LRP1B: variants seen among roughly 807,000 people sequenced by gnomAD.
The protein encoded by LRP1B is low-density lipoprotein receptor-related protein 1B.
LRP1B carries 217 observed loss-of-function variants against 556.6 expected under a neutral mutation model. That is an observed-to-expected ratio of 0.39 (90% CI 0.35 to 0.44). The LOEUF is 0.44. Ranked by LOEUF, LRP1B falls within the 20% of genes least tolerant of loss-of-function variation. The probability of loss-of-function intolerance (pLI) is 1.00; values close to 1 mark genes in which losing one functional copy is unlikely to be tolerated. For missense variants in LRP1B, 5,053 were observed against 5,620.8 expected, an observed-to-expected ratio of 0.90 and a Z score of 3.23; for synonymous variants, 2,047 against 1,865.8, an observed-to-expected ratio of 1.10 and a Z score of -2.50.
chr2:140,779,753 A>AGTGTGTGTGTGTGTGT (rs373081625), intron 32 of LRP1B, among the ~76,000 whole-genome samples: 13 of 134,006 alleles, frequency 9.7e-5, no homozygotes, highest in African/African-American at 3.6e-4. Flanking sequence ...TCTCTGTGAG[A>AGTGTGTGTGTGTGTGT]GAGTGTGTGT....
intron 3 of LRP1B, among the ~76,000 whole-genome samples, chr2:141,442,222 G>T (rs1444013141): frequency 6.6e-6 from 1 of 151,924 alleles, no homozygotes; most frequent in Non-Finnish European, 1.5e-5. Context: ...AAGTATATGT[G>T]GAAAAGTCTG....
intron 1 of LRP1B, among the ~76,000 whole-genome samples, chr2:141,881,146 A>G (rs1340826336): frequency 7.2e-5 from 11 of 152,082 alleles, no homozygotes; most frequent in Admixed American, 7.2e-4. Flanking sequence ...TAAATATGGT[A>G]TGGCTCCAAA....
intron 11 of LRP1B, among the ~76,000 whole-genome samples, chr2:141,047,337 G>T (rs555454753): frequency 2.0e-5 from 3 of 151,910 alleles, no homozygotes; most frequent in Non-Finnish European, 2.9e-5. Context: ...ACAAAAACAG[G>T]TACGTTTTTA....
intron 23 of LRP1B, among the ~76,000 whole-genome samples, chr2:140,888,716 C>T (rs147638816): frequency 2.0e-5 from 3 of 151,982 alleles, no homozygotes; most frequent in African/African-American, 7.2e-5. Flanking sequence ...GTAATCCCAG[C>T]ACTTTGGGAA....
intron 1 of LRP1B, among the ~76,000 whole-genome samples, chr2:142,088,514 A>C (rs1252034051): frequency 3.3e-5 from 5 of 152,308 alleles, no homozygotes; most frequent in African/African-American, 9.6e-5. Flanking sequence ...GATTTAGACA[A>C]TACCTTAGCC....
rs72994945 is a variant in LRP1B, at chr2:141,863,239, T to C, written c.83-52838A>G. ...TGTTCATTTATTTAATACTCATTTA[T>C]TGAGCTTCTACAATCTGCCCAGCAG... On this transcript the variant is annotated intron_variant, in intron 1 of 90. Coordinates refer to ENST00000389484, the MANE Select transcript of LRP1B (RefSeq NM_018557.3). Among the ~76,000 whole-genome samples the C allele has an allele frequency of 6.7e-3, 1,027 of 152,328 alleles. 17 individuals are homozygous for C. Among genetic ancestry groups the C allele is most frequent in the African/African-American group, 0.023 (945 of 41,576 alleles).
rs1337300551 is a variant in LRP1B at position 140,477,534 on chromosome 2, T to C, written c.9426-2197A>G. Among the ~76,000 whole-genome samples the C allele has an allele frequency of 5.9e-5, 9 of 152,274 alleles. No individual in the cohort carries two copies. The South Asian group carries it at 1.7e-3, about 28-fold the overall frequency. On this transcript the variant is annotated intron_variant, in intron 59 of 90. Coordinates refer to ENST00000389484, the MANE Select transcript of LRP1B (RefSeq NM_018557.3). ...CTCAGAAGTGAAAAAGGGTTTCCAT[T>C]AAATTTGATCAGTACATGTGATCAA...
chr2:141,003,670 A>G (rs547759306), intron 15 of LRP1B, among the ~76,000 whole-genome samples: 2 of 152,082 alleles, frequency 1.3e-5, no homozygotes, highest in South Asian at 4.1e-4. Context: ...GGCCTCCTGA[A>G]CTATGTAAGC....
At position 142,130,935 on chromosome 2, in the gene LRP1B, C is replaced by T. The variant is rs374409926; in HGVS notation, c.-206G>A. 1.1e-4 allele frequency: 66 copies of T among 609,132 alleles called. 3 individuals carry two copies. Among genetic ancestry groups the T allele is most frequent in the Admixed American group, 3.5e-4 (13 of 37,542 alleles). 37.7% of individuals were successfully genotyped at this position (609,132 alleles called of 1,614,324 possible). ...GATGTGGAAGGTGGAGGGATGCGCG[C>T]GTGCGGGAGAGAGGAGGCAGAGCGT... On this transcript the variant is annotated 5_prime_UTR_variant, in exon 1 of 91. Transcript: ENST00000389484.
At chr2:140,817,594 G>C (rs1419464110) in intron 31 of LRP1B, among the ~76,000 whole-genome samples, 1 of 151,766 alleles carries the variant, frequency 6.6e-6, no homozygotes, top group Non-Finnish European at 1.5e-5. Context: ...ATTAATGTAA[G>C]AAACTAAATA....
In LRP1B at chr2:141,068,092, TGCCATGACTAACCGCCC is replaced by T. The variant is rs1699527790; in HGVS notation, c.1014-5836_1014-5820del. 2.0e-5 allele frequency among the ~76,000 whole-genome samples: 3 copies of T among 152,098 alleles called. No homozygotes were observed. The East Asian group carries it at 5.9e-4, about 30-fold the overall frequency. On this transcript the variant is annotated intron_variant, in intron 7 of 90. Coordinates refer to ENST00000389484, the MANE Select transcript of LRP1B (RefSeq NM_018557.3). Reference sequence around the variant, plus strand: ...AGGTTTCTATACTTGGAAGCCCAAATGCCATGACTAACCGCCCATATTATTTAACGTTCTATTTTAAG... The same window carrying T: ...AGGTTTCTATACTTGGAAGCCCAAATATATTATTTAACGTTCTATTTTAAG...
At chr2:141,359,858 A>T (rs1214996595) in intron 3 of LRP1B, among the ~76,000 whole-genome samples, 2 of 151,134 alleles carry the variant, frequency 1.3e-5, no homozygotes, top group African/African-American at 4.9e-5. Flanking sequence ...CTTTCAAATT[A>T]GCCAGAGACA....
At chr2:140,388,128 G>T (rs538495527) in intron 66 of LRP1B, among the ~76,000 whole-genome samples, 2 of 152,118 alleles carry the variant, frequency 1.3e-5, no homozygotes, top group African/African-American at 4.8e-5. Flanking sequence ...GTAGAGACAG[G>T]GTTTCGCCAT....
intron 2 of LRP1B, among the ~76,000 whole-genome samples, chr2:141,745,403 C>T (rs1402137962): frequency 6.6e-6 from 1 of 152,116 alleles, no homozygotes; most frequent in Non-Finnish European, 1.5e-5. Flanking sequence ...AGATGCAGTC[C>T]TTCCTACTCT....
chr2:141,438,108 A>T (rs1386658678), intron 3 of LRP1B, among the ~76,000 whole-genome samples: 1 of 152,092 alleles, frequency 6.6e-6, no homozygotes, highest in East Asian at 1.9e-4. Flanking sequence ...TTAAATGTAA[A>T]TTTTTAATAA....
chr2:140,757,795 C>T (rs1688786924), intron 35 of LRP1B, among the ~76,000 whole-genome samples: 1 of 152,110 alleles, frequency 6.6e-6, no homozygotes, highest in Non-Finnish European at 1.5e-5. Context: ...GCATGACAAT[C>T]GCCTGAACCT....
intron 41 of LRP1B, among the ~76,000 whole-genome samples, chr2:140,639,180 C>G (rs1684183721): frequency 6.6e-6 from 1 of 152,060 alleles, no homozygotes; most frequent in Non-Finnish European, 1.5e-5. Context: ...GCAATATCAA[C>G]GTTGTGATAA....
intron 35 of LRP1B, among the ~76,000 whole-genome samples, chr2:140,723,225 A>G (rs1687477125): frequency 6.6e-6 from 1 of 152,142 alleles, no homozygotes; most frequent in Admixed American, 6.5e-5. Flanking sequence ...TGAATTGTCA[A>G]GCTTTAGTCC....
intron 83 of LRP1B, among the ~76,000 whole-genome samples, chr2:140,310,025 C>CAA (rs1260042883): frequency 6.6e-6 from 1 of 151,742 alleles, no homozygotes; most frequent in African/African-American, 2.4e-5. Flanking sequence ...CTGAGTGTTT[C>CAA]AAAATTGCTT....
Sources: gnomAD v4.1 joint callset for allele counts (sites outside exome capture counted in the v4.1 genomes callset) on GRCh38, gnomAD v4.1.1 for gene constraint, MANE v1.5 for transcripts, NCBI Gene and HGNC (gene_info 2026-07-23, HGNC 2026-07-21) for gene names.